Variants in NDST4 observed in about 807,000 individuals in gnomAD.
NDST4 encodes the protein N-deacetylase and N-sulfotransferase 4.
Under a neutral mutation model 100.8 loss-of-function variants are expected in NDST4, and 63 were observed. The observed-to-expected ratio is 0.62, with a 90% confidence interval of 0.51 to 0.77. NDST4 has a LOEUF of 0.77. NDST4 is among the 30% of genes least tolerant of loss of function. The pLI, the probability that NDST4 is intolerant of heterozygous loss-of-function variation, is 0.00. For synonymous variants in NDST4, 377 were observed against 361.8 expected, an observed-to-expected ratio of 1.04 and a Z score of -0.48; for missense variants, 943 against 1,018.4, an observed-to-expected ratio of 0.93 and a Z score of 1.01.
At position 114,970,505 on chromosome 4, in the gene NDST4, G is replaced by A; in HGVS notation, c.1146C>T (p.Ser382=). 1 of 1,613,980 alleles carries A rather than the reference G, an allele frequency of 6.2e-7. No individual in the cohort carries two copies. Among genetic ancestry groups the A allele is most frequent in the Non-Finnish European group, 8.5e-7 (1 of 1,179,888 alleles). The change falls in exon 4 of 14, where the codon AGC becomes AGT. Residue 382 remains serine (S), a synonymous_variant. Transcript: ENST00000264363. ...DEFWWFPHMW[S]HMQPHLFHNE... The stretch of plus-strand genomic sequence containing the variant: ...TGTGGAAGAGGTGGGGCTGCATGTG[G>A]CTCCACATGTGAGGAAACCACCAGA...
At chr4:114,979,948 C>A (rs78587618) in intron 2 of NDST4, among the ~76,000 whole-genome samples, 4,967 of 151,780 alleles carry the variant, frequency 0.033, 278 homozygotes, top group African/African-American at 0.11. Context: ...TCATGCCATT[C>A]AGTTACAAAG....
At chr4:114,923,610 C>G (rs1725330376) in intron 6 of NDST4, among the ~76,000 whole-genome samples, 1 of 152,022 alleles carries the variant, frequency 6.6e-6, no homozygotes, top group African/African-American at 2.4e-5. Flanking sequence ...AACACTGATA[C>G]AGGGAGTGTT....
chr4:114,978,123 AT>A, intron 2 of NDST4, among the ~76,000 whole-genome samples: 1 of 152,086 alleles, frequency 6.6e-6, no homozygotes, highest in South Asian at 2.1e-4. Context: ...TTGATTCAGA[AT>A]GCTTTTTCTA....
At chr4:114,923,035 T>C (rs1725320289) in intron 6 of NDST4, among the ~76,000 whole-genome samples, 1 of 152,204 alleles carries the variant, frequency 6.6e-6, no homozygotes, top group East Asian at 1.9e-4. Context: ...AGTAGAGATA[T>C]TAATAGAAAA....
At chr4:114,929,109 CATCCATCTATCTATCTATCT>C (rs1345779110) in intron 6 of NDST4, among the ~76,000 whole-genome samples, 3 of 112,808 alleles carry the variant, frequency 2.7e-5, no homozygotes, top group African/African-American at 6.7e-5. Context: ...TCCATCCATC[CATCCATCTATCTATCTATCT>C]ATCTATCTAT....
Position 115,076,719 on chromosome 4 carries a change from G to T in NDST4, c.318C>A (p.Tyr106Ter). ...IAILESSRFQ[Y>*]HMVIAPGKGD... ...CCTTTCCAGGGGCAATAACCATGTGGTACTGAAATCGGCTGGACTCCAAAA... is the reference window on the plus strand; with the variant it reads ...CCTTTCCAGGGGCAATAACCATGTGTTACTGAAATCGGCTGGACTCCAAAA... The change falls in exon 2 of 14, where the codon TAC becomes TAA. Residue 106 changes from tyrosine (Y) to a stop codon, truncating the protein, a stop_gained. Transcript: ENST00000264363. LOFTEE classifies it high-confidence loss of function. 1 of 1,613,870 alleles carries T rather than the reference G, an allele frequency of 6.2e-7. No individual in the cohort carries two copies. Among genetic ancestry groups the T allele is most frequent in the East Asian group, 2.2e-5 (1 of 44,800 alleles).
At chr4:115,012,964 C>T (rs1727586721) in intron 2 of NDST4, among the ~76,000 whole-genome samples, 2 of 151,178 alleles carry the variant, frequency 1.3e-5, no homozygotes, top group African/African-American at 2.4e-5. Context: ...GAAGGGCAAA[C>T]TTCGCATGTT....
chr4:115,074,619 C>T (rs906188309), intron 2 of NDST4, among the ~76,000 whole-genome samples: 1 of 152,008 alleles, frequency 6.6e-6, no homozygotes, highest in Non-Finnish European at 1.5e-5. Flanking sequence ...TCAAGCAGTG[C>T]TTCATAGGAA....
At chr4:115,086,789 G>C (rs1451751875) in intron 1 of NDST4, among the ~76,000 whole-genome samples, 2 of 151,968 alleles carry the variant, frequency 1.3e-5, no homozygotes, top group South Asian at 2.1e-4. Context: ...TAAAAATAAA[G>C]AGTCTAATTT....
intron 10 of NDST4, among the ~76,000 whole-genome samples, chr4:114,841,649 C>T (rs1291554670): frequency 6.6e-6 from 1 of 152,124 alleles, no homozygotes; most frequent in Non-Finnish European, 1.5e-5. Context: ...TAACATTTTC[C>T]TCAATTGCTT....
chr4:115,033,969 G>A (rs28485691), intron 2 of NDST4, among the ~76,000 whole-genome samples: 2,877 of 152,052 alleles, frequency 0.019, 93 homozygotes, highest in African/African-American at 0.066. Context: ...AATGTTTATC[G>A]TATTTTGATC....
intron 6 of NDST4, among the ~76,000 whole-genome samples, chr4:114,886,192 C>G (rs1251234346): frequency 6.6e-6 from 1 of 152,008 alleles, no homozygotes; most frequent in East Asian, 1.9e-4. Context: ...TAAGTGAATT[C>G]AGGTCATTGG....
rs112609799 is a variant in NDST4 at position 114,992,453 on chromosome 4, T to C, written c.979-15179A>G. On this transcript the variant is annotated intron_variant, in intron 2 of 13. Coordinates refer to ENST00000264363, the MANE Select transcript of NDST4 (RefSeq NM_022569.3). The stretch of plus-strand genomic sequence containing the variant: ...ATGAATGTTAACACATTACTCTTAA[T>C]TAAAGTTCCGAATTTACATTAGGAT... Among the ~76,000 whole-genome samples the C allele has an allele frequency of 7.3e-3, 1,113 of 152,002 alleles. 23 individuals carry two copies. Among genetic ancestry groups the C allele is most frequent in the African/African-American group, 0.025 (1,034 of 41,514 alleles).
intron 1 of NDST4, among the ~76,000 whole-genome samples, chr4:115,081,233 T>C (rs892999502): frequency 6.6e-6 from 1 of 152,168 alleles, no homozygotes; most frequent in African/African-American, 2.4e-5. Context: ...GGAAGACATA[T>C]GTGTTTTCAA....
chr4:114,952,544 T>C (rs1726039624), intron 4 of NDST4, among the ~76,000 whole-genome samples: 1 of 152,102 alleles, frequency 6.6e-6, no homozygotes, highest in Non-Finnish European at 1.5e-5. Context: ...GAAAAGCCAT[T>C]TTTCTCTAAA....
intron 7 of NDST4, among the ~76,000 whole-genome samples, chr4:114,857,651 T>A (rs975623205): frequency 2.6e-5 from 4 of 152,206 alleles, no homozygotes; most frequent in African/African-American, 9.6e-5. Flanking sequence ...TTTCTAAAAA[T>A]CGCTGGTTAA....
intron 8 of NDST4, among the ~76,000 whole-genome samples, chr4:114,851,592 C>T (rs988341850): frequency 6.6e-6 from 1 of 152,130 alleles, no homozygotes; most frequent in African/African-American, 2.4e-5. Flanking sequence ...ATAGGGGATA[C>T]ATCTTTCTAT....
In NDST4 at chr4:114,877,719, G is replaced by A. The variant is rs907778380; in HGVS notation, c.1537-6769C>T. Reference sequence around the variant, plus strand: ...ATCCCAGCACTTTGGGAGGCTGGGCGGGCAGATCACCCGAAGTAAGGAGTT... The same window carrying A: ...ATCCCAGCACTTTGGGAGGCTGGGCAGGCAGATCACCCGAAGTAAGGAGTT... On this transcript the variant is annotated intron_variant, in intron 6 of 13. Transcript: ENST00000264363. 5.9e-5 allele frequency among the ~76,000 whole-genome samples: 9 copies of A among 152,180 alleles called. No individual in the cohort carries two copies. In the East Asian group the frequency reaches 7.7e-4, roughly 13 times the overall value.
At chr4:114,933,436 T>TG (rs1310595496) in intron 6 of NDST4, among the ~76,000 whole-genome samples, 1 of 135,826 alleles carries the variant, frequency 7.4e-6, no homozygotes, top group African/African-American at 2.9e-5. Flanking sequence ...CTTTTCCTTT[T>TG]TTTTTTTTTT....
Sources: allele counts gnomAD v4.1 joint callset (sites outside exome capture counted in the v4.1 genomes callset), GRCh38; gene constraint gnomAD v4.1.1; transcripts MANE v1.5; gene names NCBI Gene and HGNC (gene_info 2026-07-23, HGNC 2026-07-21).